PPP2R1B: variants seen among roughly 807,000 people sequenced by gnomAD.
The protein encoded by PPP2R1B is serine/threonine-protein phosphatase 2A 65 kDa regulatory subunit A beta isoform.
Under a neutral mutation model 72.7 loss-of-function variants are expected in PPP2R1B, and 58 were observed. The observed-to-expected ratio is 0.80, with a 90% confidence interval of 0.65 to 0.99. The LOEUF is 0.99. PPP2R1B is among the 50% of genes least tolerant of loss of function. PPP2R1B has a pLI of 0.00. For missense variants in PPP2R1B, 695 were observed against 733.6 expected (o/e 0.95, Z 0.61); for synonymous variants, 256 against 264.6 (o/e 0.97, Z 0.32).
chr11:111,738,307 T>G lies in PPP2R1B; in HGVS notation c.*3289A>C. 1.0e-6 allele frequency: 1 copy of G among 985,438 alleles called. No homozygotes were observed. Among genetic ancestry groups the G allele is most frequent in the Non-Finnish European group, 1.2e-6 (1 of 830,004 alleles). 61.0% of individuals were successfully genotyped at this position (985,438 alleles called of 1,614,324 possible). A position where few individuals can be genotyped will look rare whatever the true frequency, so the allele number is the denominator to read the frequency against. On this transcript the variant is annotated 3_prime_UTR_variant, in exon 15 of 15. Coordinates refer to ENST00000527614, the MANE Select transcript of PPP2R1B (RefSeq NM_002716.5). The stretch of plus-strand genomic sequence containing the variant: ...TCACCATTTTTAAAAGTCAGAGGAA[T>G]TTAAGTAAAAGGCAAGAGGACAGAA...
intron 3 of PPP2R1B, among the ~76,000 whole-genome samples, chr11:111,761,715 T>TCGG (rs1400846468): frequency 6.6e-5 from 10 of 152,142 alleles, no homozygotes; most frequent in Admixed American, 2.6e-4. Flanking sequence ...ATCCCAGCCG[T>TCGG]CGGGAGGCCG....
In PPP2R1B at chr11:111,741,334, T is replaced by A; in HGVS notation, c.*262A>T. On this transcript the variant is annotated 3_prime_UTR_variant, in exon 15 of 15. Transcript: ENST00000527614. ...ATGCAGGAGCCCAGGTGGTGATGGA[T>A]AAAGCATTAGGAGACAATCAAGTGT... The A allele has an allele frequency of 7.8e-7, 1 of 1,277,840 alleles. No homozygotes were observed. Among genetic ancestry groups the A allele is most frequent in the East Asian group, 3.6e-5 (1 of 28,168 alleles). 79.2% of individuals were successfully genotyped at this position (1,277,840 alleles called of 1,614,324 possible).
At chr11:111,720,678 A>G in the PPP2R1B span, 1 of 1,613,922 alleles carries the variant, frequency 6.2e-7, no homozygotes, top group Non-Finnish European at 8.5e-7. Context: ...GCAGGCTCTG[A>G]GCTCCCAGAA....
At chr11:111,752,905 G>A (rs1944962615) in intron 9 of PPP2R1B, among the ~76,000 whole-genome samples, 1 of 152,230 alleles carries the variant, frequency 6.6e-6, no homozygotes, top group Middle Eastern at 3.2e-3. Context: ...GGAGCTTGCA[G>A]TGAGCAGAGA....
At chr11:111,705,187 C>T in the PPP2R1B span, 25 of 1,471,996 alleles carry the variant, frequency 1.7e-5, no homozygotes, top group East Asian at 6.7e-4. The surrounding 1 kb of genome is among the most constrained non-coding windows in gnomAD (Gnocchi z 4.3). Context: ...TGCCTGTTCA[C>T]ATGTTTGATA....
downstream of PPP2R1B, chr11:111,726,787 G>T: frequency 1.7e-6 from 1 of 605,906 alleles, no homozygotes; most frequent in Non-Finnish European, 2.9e-6. Context: ...TTGCTTTCCA[G>T]TCTGATTCAC....
At chr11:111,690,493 G>A in the PPP2R1B span, among the ~76,000 whole-genome samples, 1 of 151,266 alleles carries the variant, frequency 6.6e-6, no homozygotes, top group East Asian at 1.9e-4. Flanking sequence ...TGCTGAATGT[G>A]CAGCTTTGTT....
rs180945802 is a variant in PPP2R1B at position 111,756,421 on chromosome 11, T to G, written c.688-971A>C. Reference sequence around the variant, plus strand: ...ACATTTTAATGATGCCTTCAAAGCCTTACTATAACAGAAAGTTGAGGGATA... The same window carrying G: ...ACATTTTAATGATGCCTTCAAAGCCGTACTATAACAGAAAGTTGAGGGATA... On this transcript the variant is annotated intron_variant, in intron 5 of 14. Coordinates refer to ENST00000527614, the MANE Select transcript of PPP2R1B (RefSeq NM_002716.5). 4.9e-3 allele frequency among the ~76,000 whole-genome samples: 740 copies of G among 151,998 alleles called. 14 individuals carry two copies. Among genetic ancestry groups the G allele is most frequent in the East Asian group, 4.8e-3 (25 of 5,182 alleles).
the PPP2R1B span, among the ~76,000 whole-genome samples, chr11:111,692,077 T>TC: frequency 5.3e-5 from 8 of 151,828 alleles, 1 homozygote; most frequent in African/African-American, 1.9e-4. Context: ...GAGGCCAGGC[T>TC]CGGTGGCTTA....
At chr11:111,692,388 A>C in the PPP2R1B span, among the ~76,000 whole-genome samples, 31 of 110,988 alleles carry the variant, frequency 2.8e-4, no homozygotes, top group Middle Eastern at 4.9e-3. Context: ...AAAAAAAAAA[A>C]CACAAAAAGG....
downstream of PPP2R1B, chr11:111,724,275 G>A (rs911852059): frequency 2.2e-5 from 27 of 1,200,766 alleles, no homozygotes; most frequent in Non-Finnish European, 2.5e-5. Context: ...AGAGGGTCTG[G>A]CTGGGGTGGA....
chr11:111,743,496 G>A lies in PPP2R1B; in HGVS notation c.1434C>T (p.Leu478=). The A allele has an allele frequency of 6.2e-7, 1 of 1,613,936 alleles. No homozygotes were observed. Among genetic ancestry groups the A allele is most frequent in the East Asian group, 2.2e-5 (1 of 44,878 alleles). Residue 478 remains leucine, a synonymous_variant, in exon 12 of 15, where the codon CTC becomes CTT. Coordinates refer to ENST00000527614, the MANE Select transcript of PPP2R1B (RefSeq NM_002716.5). ...TACCAAACTTCTGAACTAGTTTCAT[G>A]AGGTTGTTGGTGGCAGCTTCTCGGA... ...YAIREAATNN[L]MKLVQKFGTE...
At chr11:111,763,839 GA>G (rs1247353961) in intron 3 of PPP2R1B, among the ~76,000 whole-genome samples, 4 of 142,902 alleles carry the variant, frequency 2.8e-5, no homozygotes, top group Non-Finnish European at 4.6e-5. Flanking sequence ...TACATAGACA[GA>G]AAAAAAACTC....
chr11:111,753,520 C>A lies in PPP2R1B; in HGVS notation c.1087G>T (p.Gly363Ter), dbSNP rs1555048634. 5 of 1,612,812 alleles carry A rather than the reference C, an allele frequency of 3.1e-6. No individual in the cohort carries two copies. The highest frequency in any genetic ancestry group is 4.2e-6 in the Non-Finnish European group (5 of 1,179,054). The change falls in exon 9 of 15, where the codon GGA becomes TGA. Residue 363 changes from glycine (G) to a stop codon, truncating the protein, a stop_gained. Coordinates refer to ENST00000527614, the MANE Select transcript of PPP2R1B (RefSeq NM_002716.5). LOFTEE classifies it high-confidence loss of function. The part of the protein sequence containing the change: ...VKSALASVIM[G>*]LSTILGKENT... ...TCTTTGCCCAAAATAGTAGACAATC[C>A]CATAATTACAGAAGCTAGAGCCGAT...
intron 15 of PPP2R1B, chr11:111,727,703 G>T (rs1944020380): frequency 6.5e-6 from 1 of 152,692 alleles, no homozygotes; most frequent in African/African-American, 2.4e-5. Flanking sequence ...CCACGGGTTA[G>T]ATGTGGGGAG....
chr11:111,718,906 G>C, the PPP2R1B span: 4 of 152,280 alleles, frequency 2.6e-5, no homozygotes, highest in African/African-American at 9.6e-5. Context: ...TTACCAGCCA[G>C]AACTTGCAAC....
chr11:111,726,862 AAGAGACT>A, downstream of PPP2R1B: 1 of 1,038,318 alleles, frequency 9.6e-7, no homozygotes, highest in Non-Finnish European at 1.5e-6. Context: ...GGCTCCTCTG[AAGAGACT>A]TTGGTGAGAT....
the PPP2R1B span, among the ~76,000 whole-genome samples, chr11:111,702,292 A>G: frequency 3.9e-5 from 6 of 152,358 alleles, no homozygotes; most frequent in African/African-American, 1.2e-4. Flanking sequence ...GTTTAATTAA[A>G]TTAATCTGTC....
chr11:111,699,047 T>TA, the PPP2R1B span, among the ~76,000 whole-genome samples: 1 of 152,226 alleles, frequency 6.6e-6, no homozygotes, highest in Non-Finnish European at 1.5e-5. Context: ...TATGTGTCCA[T>TA]ATGAGATATG....
Sources: gnomAD v4.1 joint callset for allele counts (sites outside exome capture counted in the v4.1 genomes callset) on GRCh38, gnomAD v4.1.1 for gene constraint, Gnocchi (gnomAD v3.1) non-coding constraint, MANE v1.5 for transcripts, NCBI Gene and HGNC (gene_info 2026-07-23, HGNC 2026-07-21) for gene names.